CRADD: variants seen among roughly 807,000 people sequenced by gnomAD.
CRADD encodes the protein death domain-containing protein CRADD.
CRADD carries 9 observed loss-of-function variants against 15.5 expected under a neutral mutation model. The ratio of observed to expected loss-of-function variants is 0.58; its 90% CI spans 0.35 to 1.01. The LOEUF (loss-of-function observed/expected upper bound fraction) is 1.01, where lower values mean the gene tolerates loss of function less well. Ranked by LOEUF, CRADD falls within the 50% of genes least tolerant of loss-of-function variation. The pLI is 0.02. For synonymous variants in CRADD, 118 were observed against 107.6 expected (o/e 1.10, Z -0.60); for missense variants, 227 against 250.3 (o/e 0.91, Z 0.63).
intron 2 of CRADD, among the ~76,000 whole-genome samples, chr12:93,869,860 G>A (rs923507734): frequency 1.3e-5 from 2 of 151,996 alleles, no homozygotes; most frequent in Non-Finnish European, 2.9e-5. Flanking sequence ...GAATTAATGA[G>A]GCAAAAAATA....
At chr12:93,847,515 A>AC (rs1361376931) in intron 2 of CRADD, among the ~76,000 whole-genome samples, 1 of 148,254 alleles carries the variant, frequency 6.7e-6, no homozygotes, top group African/African-American at 2.5e-5. Context: ...AAAAAAAAAA[A>AC]AAAAAACCTC....
intron 2 of CRADD, chr12:93,715,013 T>G (rs1956137404): frequency 6.6e-6 from 1 of 152,142 alleles, no homozygotes; most frequent in South Asian, 2.1e-4. Flanking sequence ...CACTCCCAAG[T>G]CAAACATCAA....
At position 93,845,763 on chromosome 12, in the gene CRADD, CTTTTAATTTTTAT is replaced by C. The variant is rs1468909949; in HGVS notation, c.299-4198_299-4186del. 3.3e-5 allele frequency among the ~76,000 whole-genome samples: 5 copies of C among 152,166 alleles called. No homozygotes were observed. In the East Asian group the frequency reaches 9.6e-4, roughly 29 times the overall value. ...ATCATGATAAAACAACAATGGGATT[CTTTTAATTTTTAT>C]TTTTAATTGTGGTAAAATGTACATA... On this transcript the variant is annotated intron_variant, in intron 2 of 2. Transcript: ENST00000332896.
intron 2 of CRADD, among the ~76,000 whole-genome samples, chr12:93,720,339 G>A (rs1233644229): frequency 6.6e-6 from 1 of 151,944 alleles, no homozygotes; most frequent in Non-Finnish European, 1.5e-5. Flanking sequence ...GTGTTTTATG[G>A]CCTAAAATGT....
At chr12:93,798,860 C>A (rs896898619) in intron 2 of CRADD, among the ~76,000 whole-genome samples, 1 of 152,178 alleles carries the variant, frequency 6.6e-6, no homozygotes, top group Admixed American at 6.5e-5. Flanking sequence ...ATGAGTTTCT[C>A]TCTGAGGCCC....
At chr12:93,785,638 T>G (rs955294896) in intron 2 of CRADD, among the ~76,000 whole-genome samples, 2 of 152,176 alleles carry the variant, frequency 1.3e-5, no homozygotes, top group Non-Finnish European at 2.9e-5. Flanking sequence ...AAAATAGATG[T>G]GAAGTCTTAG....
intron 2 of CRADD, among the ~76,000 whole-genome samples, chr12:93,858,791 T>G (rs895962133): frequency 3.3e-5 from 5 of 152,156 alleles, no homozygotes; most frequent in Non-Finnish European, 7.4e-5. Flanking sequence ...ATTAAGAAAC[T>G]AAGACCCTCA....
At chr12:93,791,460 G>C (rs958110664) in intron 2 of CRADD, among the ~76,000 whole-genome samples, 1 of 152,142 alleles carries the variant, frequency 6.6e-6, no homozygotes, top group Non-Finnish European at 1.5e-5. Context: ...ACTTGCACGT[G>C]GAATCTAAAA....
intron 2 of CRADD, among the ~76,000 whole-genome samples, chr12:93,777,828 T>C (rs1957156745): frequency 6.6e-6 from 1 of 152,202 alleles, no homozygotes; most frequent in South Asian, 2.1e-4. Flanking sequence ...TGTTTGAACT[T>C]GCTCTTTGCT....
intron 2 of CRADD, among the ~76,000 whole-genome samples, chr12:93,869,766 T>A (rs1958402594): frequency 6.6e-6 from 1 of 152,090 alleles, no homozygotes; most frequent in Non-Finnish European, 1.5e-5. Flanking sequence ...AGGAGAAGAA[T>A]ATTTGAAAAG....
At chr12:93,863,125 G>T (rs1958330752) in intron 2 of CRADD, among the ~76,000 whole-genome samples, 2 of 152,222 alleles carry the variant, frequency 1.3e-5, no homozygotes, top group South Asian at 4.1e-4. Context: ...CCCCTGGCTT[G>T]ATATCATGCT....
intron 2 of CRADD, among the ~76,000 whole-genome samples, chr12:93,856,640 G>A (rs1446786545): frequency 6.6e-6 from 1 of 152,152 alleles, no homozygotes; most frequent in African/African-American, 2.4e-5. Flanking sequence ...TCCTTGCCAT[G>A]GATATGCAAG....
At chr12:93,887,818 C>T (rs1299646762) in intron 2 of CRADD, among the ~76,000 whole-genome samples, 3 of 152,098 alleles carry the variant, frequency 2.0e-5, no homozygotes, top group African/African-American at 7.2e-5. Flanking sequence ...TACACGTTAA[C>T]GTTTATGGAG....
intron 2 of CRADD, among the ~76,000 whole-genome samples, chr12:93,724,529 C>G (rs185329948): frequency 2.6e-4 from 40 of 152,298 alleles, no homozygotes; most frequent in Admixed American, 2.6e-3. Context: ...GTTTGTTCAG[C>G]CTTTTTACTT....
intron 2 of CRADD, among the ~76,000 whole-genome samples, chr12:93,747,554 C>T (rs374810605): frequency 6.6e-5 from 10 of 152,018 alleles, no homozygotes; most frequent in East Asian, 1.9e-4. Flanking sequence ...TCCACCTCCC[C>T]GCCTCCCAGG....
chr12:93,826,061 T>C (rs574242429), intron 2 of CRADD, among the ~76,000 whole-genome samples: 55 of 152,336 alleles, frequency 3.6e-4, no homozygotes, highest in Admixed American at 7.8e-4. Context: ...GCCCGGAACT[T>C]ATTAACATGC....
At chr12:93,794,825 C>T (rs1245606316) in intron 2 of CRADD, among the ~76,000 whole-genome samples, 1 of 152,192 alleles carries the variant, frequency 6.6e-6, no homozygotes. Flanking sequence ...GGACTCACTA[C>T]TGCTGTCACA....
chr12:93,775,232 T>C lies in CRADD; in HGVS notation c.299-74738T>C, dbSNP rs549155395. Reference sequence around the variant, plus strand: ...GCTCAAACATCAATAAGCAATATTTTATCACATGCCAGCAAGTTTTAGATC... The same window carrying C: ...GCTCAAACATCAATAAGCAATATTTCATCACATGCCAGCAAGTTTTAGATC... On this transcript the variant is annotated intron_variant, in intron 2 of 2. Coordinates refer to ENST00000332896, the MANE Select transcript of CRADD (RefSeq NM_003805.5). 3.9e-5 allele frequency among the ~76,000 whole-genome samples: 6 copies of C among 152,346 alleles called. No homozygotes were observed. In the East Asian group the frequency reaches 7.7e-4, roughly 20 times the overall value.
chr12:93,810,494 T>C (rs1440220245), intron 2 of CRADD, among the ~76,000 whole-genome samples: 1 of 127,550 alleles, frequency 7.8e-6, no homozygotes, highest in Non-Finnish European at 1.6e-5. Context: ...GAGGTTCCGG[T>C]GAGCCAAGAT....
Sources: allele counts gnomAD v4.1 joint callset (sites outside exome capture counted in the v4.1 genomes callset), GRCh38; gene constraint gnomAD v4.1.1; transcripts MANE v1.5; gene names NCBI Gene and HGNC (gene_info 2026-07-23, HGNC 2026-07-21).